CDH9: variants seen among roughly 807,000 people sequenced by gnomAD.
CDH9 encodes cadherin 9, also known as cadherin-9.
A neutral mutation model predicts 70.9 loss-of-function variants in CDH9; 28 were observed. The ratio of observed to expected loss-of-function variants is 0.40; its 90% CI spans 0.29 to 0.54. The LOEUF is 0.54. Ranked by LOEUF, CDH9 falls within the 20% of genes least tolerant of loss-of-function variation. The pLI is 0.59. For missense variants in CDH9, 874 were observed against 984.4 expected, an observed-to-expected ratio of 0.89 and a Z score of 1.50; for synonymous variants, 409 against 343.1, an observed-to-expected ratio of 1.19 and a Z score of -2.12.
At chr5:26,973,249 T>C (rs902709281) in intron 2 of CDH9, among the ~76,000 whole-genome samples, 1 of 152,106 alleles carries the variant, frequency 6.6e-6, no homozygotes, top group Non-Finnish European at 1.5e-5. Flanking sequence ...AGCTCTAAAA[T>C]TGACTACTGA....
chr5:26,956,977 T>G (rs1395219561), intron 2 of CDH9, among the ~76,000 whole-genome samples: 1 of 149,682 alleles, frequency 6.7e-6, no homozygotes, highest in Non-Finnish European at 1.5e-5. Flanking sequence ...ATTAGCATAT[T>G]GCAATGCAGT....
chr5:26,970,088 T>C (rs1033208074), intron 2 of CDH9, among the ~76,000 whole-genome samples: 1 of 151,282 alleles, frequency 6.6e-6, no homozygotes, highest in African/African-American at 2.4e-5. Flanking sequence ...ATGAGATTAA[T>C]GAATCCAATT....
At chr5:27,022,297 C>A (rs1257960614) in intron 1 of CDH9, among the ~76,000 whole-genome samples, 3 of 151,520 alleles carry the variant, frequency 2.0e-5, no homozygotes, top group Admixed American at 2.0e-4. Flanking sequence ...GATCATTGGA[C>A]CTTAGAATTA....
chr5:26,992,438 A>G (rs1170435396), intron 1 of CDH9, among the ~76,000 whole-genome samples: 1 of 152,186 alleles, frequency 6.6e-6, no homozygotes, highest in Non-Finnish European at 1.5e-5. Context: ...AACAATGGCC[A>G]TCTATGAACC....
At chr5:26,941,920 GAGTGGCACAGGGCATC>G (rs1741668756) in intron 2 of CDH9, among the ~76,000 whole-genome samples, 1 of 152,172 alleles carries the variant, frequency 6.6e-6, no homozygotes, top group African/African-American at 2.4e-5. Flanking sequence ...ACTCTCTGCA[GAGTGGCACAGGGCATC>G]ACATGGCAAG....
rs546418684 is a variant in CDH9 at position 26,911,346 on chromosome 5, C to T, written c.523+4284G>A. Among the ~76,000 whole-genome samples, 13 of 152,224 alleles carry T rather than the reference C, an allele frequency of 8.5e-5. 1 individual carries two copies. The South Asian group carries it at 2.5e-3, about 29-fold the overall frequency. On this transcript the variant is annotated intron_variant, in intron 3 of 11. Coordinates refer to ENST00000231021, the MANE Select transcript of CDH9 (RefSeq NM_016279.4). ...TTTTCTTTATAAATACTTTACCAAACGGCCTATCTCTCTGGTGTTAGAAAT... is the reference window on the plus strand; with the variant it reads ...TTTTCTTTATAAATACTTTACCAAATGGCCTATCTCTCTGGTGTTAGAAAT...
At position 26,889,850 on chromosome 5, in the gene CDH9, C is replaced by T; in HGVS notation, c.1498G>A (p.Ala500Thr). Residue 500 changes from alanine (A) to threonine (T), a missense_variant, in exon 9 of 12, where the codon GCA becomes ACA. Transcript: ENST00000231021. Reference protein sequence around the residue: ...MYYETFVCENAKPGQLIQTVS... With the variant: ...MYYETFVCENTKPGQLIQTVS... ...ATTTTATTTACCTGCCCAGGTTTTGCATTTTCACAAACAAATGTTTCATAA... is the reference window on the plus strand; with the variant it reads ...ATTTTATTTACCTGCCCAGGTTTTGTATTTTCACAAACAAATGTTTCATAA... 2.5e-6 allele frequency: 4 copies of T among 1,588,170 alleles called. No homozygotes were observed. Among genetic ancestry groups the T allele is most frequent in the Admixed American group, 1.7e-5 (1 of 58,810 alleles).
In CDH9 at chr5:26,890,471, T is replaced by A. The variant is rs1343735024; in HGVS notation, c.1347A>T (p.Glu449Asp). The A allele has an allele frequency of 1.9e-6, 3 of 1,613,452 alleles. No individual in the cohort carries two copies. The highest frequency in any genetic ancestry group is 2.5e-6 in the Non-Finnish European group (3 of 1,179,568). Reference protein sequence around the residue: ...SIFTLKALDRESSPWHNITVT... With the variant: ...SIFTLKALDRDSSPWHNITVT... ...CAGTGATGTTATGCCAAGGAGATGA[T>A]TCCCGGTCAAGGGCTTTCAAAGTGA... is the stretch of plus-strand genomic sequence containing the variant. The change falls in exon 8 of 12, where the codon GAA becomes GAT. Residue 449 changes from glutamate to aspartate, a missense_variant. Coordinates refer to ENST00000231021, the MANE Select transcript of CDH9 (RefSeq NM_016279.4).
intron 2 of CDH9, among the ~76,000 whole-genome samples, chr5:26,978,291 A>G (rs1003759882): frequency 8.5e-5 from 13 of 152,108 alleles, no homozygotes; most frequent in African/African-American, 2.9e-4. Flanking sequence ...TATAGAGAAT[A>G]CTAAAATAAT....
At chr5:26,955,572 ATCTCTCTCTCTC>A (rs10541203) in intron 2 of CDH9, among the ~76,000 whole-genome samples, 9 of 144,262 alleles carry the variant, frequency 6.2e-5, no homozygotes, top group African/African-American at 2.0e-4. Context: ...TTGTGGCAGT[ATCTCTCTCTCTC>A]TCTCTCTCTC....
chr5:26,996,609 T>A (rs915776428), intron 1 of CDH9, among the ~76,000 whole-genome samples: 1 of 151,958 alleles, frequency 6.6e-6, no homozygotes, highest in Non-Finnish European at 1.5e-5. Flanking sequence ...TTTTGAGGGA[T>A]ATATGCTTAA....
intron 7 of CDH9, among the ~76,000 whole-genome samples, chr5:26,900,214 A>G (rs1271298426): frequency 2.0e-5 from 3 of 152,110 alleles, no homozygotes; most frequent in Non-Finnish European, 4.4e-5. Flanking sequence ...TCATATAAAA[A>G]GCAAAATTAC....
chr5:26,908,674 C>T (rs528309567), intron 3 of CDH9, among the ~76,000 whole-genome samples: 5 of 152,160 alleles, frequency 3.3e-5, no homozygotes, highest in East Asian at 1.9e-4. Flanking sequence ...TTTGAAGTTA[C>T]GCAAGGACGC....
At chr5:26,931,644 T>C (rs1031764177) in intron 2 of CDH9, among the ~76,000 whole-genome samples, 6 of 152,110 alleles carry the variant, frequency 3.9e-5, no homozygotes, top group African/African-American at 1.4e-4. Flanking sequence ...TGGAAGGGCA[T>C]TGTATCATGA....
At chr5:26,885,453 CAA>C (rs1740547758) in intron 11 of CDH9, among the ~76,000 whole-genome samples, 159 bp downstream of exon 11, 1 of 152,152 alleles carries the variant, frequency 6.6e-6, no homozygotes, top group Admixed American at 6.6e-5. Flanking sequence ...TCCCCACACA[CAA>C]AAACGCTTAT....
intron 2 of CDH9, among the ~76,000 whole-genome samples, chr5:26,950,135 A>G (rs1741819484): frequency 6.6e-6 from 1 of 152,184 alleles, no homozygotes; most frequent in Admixed American, 6.5e-5. Context: ...TCAGTGATAG[A>G]GAGGCAAAAC....
intron 2 of CDH9, among the ~76,000 whole-genome samples, chr5:26,959,449 G>T (rs1364410379): frequency 6.6e-6 from 1 of 151,992 alleles, no homozygotes; most frequent in Non-Finnish European, 1.5e-5. Flanking sequence ...CAGGTTGATG[G>T]TACCTCAAAA....
Position 26,948,729 on chromosome 5 carries a change from A to G in CDH9, c.229-32805T>C, listed in dbSNP as rs980694322. On this transcript the variant is annotated intron_variant, in intron 2 of 11. Coordinates refer to ENST00000231021, the MANE Select transcript of CDH9 (RefSeq NM_016279.4). ...TGATGAACATACCACAGTGCTTATT[A>G]TAGTCAGAGAAGTGTGTTAATCAAT... 2.0e-5 allele frequency among the ~76,000 whole-genome samples: 3 copies of G among 152,232 alleles called. No individual in the cohort carries two copies. In the East Asian group the frequency reaches 5.8e-4, roughly 29 times the overall value.
intron 11 of CDH9, among the ~76,000 whole-genome samples, chr5:26,883,722 G>A (rs891661035): frequency 1.3e-5 from 2 of 151,930 alleles, no homozygotes; most frequent in Non-Finnish European, 2.9e-5. Flanking sequence ...TGTCTTACAT[G>A]TTTTACTCTA....
Sources: allele counts gnomAD v4.1 joint callset (sites outside exome capture counted in the v4.1 genomes callset), GRCh38; gene constraint gnomAD v4.1.1; transcripts MANE v1.5; gene names NCBI Gene and HGNC (gene_info 2026-07-23, HGNC 2026-07-21).